Variants in METTL15 observed in about 807,000 individuals in gnomAD.
METTL15 encodes methyltransferase 15, mitochondrial 12S rRNA N4-cytidine, also known as 12S rRNA N(4)-cytidine methyltransferase METTL15.
In METTL15, 34 loss-of-function variants were observed where a neutral mutation model predicts 38.3. The ratio of observed to expected loss-of-function variants is 0.89; its 90% CI spans 0.68 to 1.18. METTL15 has a LOEUF of 1.18. Ranked by LOEUF, METTL15 falls within the 50% of genes most tolerant of loss-of-function variation. METTL15 has a pLI of 0.00. For missense variants in METTL15, 438 were observed against 498.4 expected (o/e 0.88, Z 1.15); for synonymous variants, 162 against 170.9 (o/e 0.95, Z 0.41).
At chr11:28,182,223 A>ATAG (rs1851317857) in intron 3 of METTL15, among the ~76,000 whole-genome samples, 1 of 151,012 alleles carries the variant, frequency 6.6e-6, no homozygotes, top group Non-Finnish European at 1.5e-5. Flanking sequence ...GTTCACTCTG[A>ATAG]TAGTTTCTTT....
At chr11:28,408,675 C>A (rs1333650752) in intron 5 of METTL15, among the ~76,000 whole-genome samples, 3 of 151,980 alleles carry the variant, frequency 2.0e-5, no homozygotes, top group African/African-American at 7.2e-5. Flanking sequence ...TGTGAAAAAG[C>A]CCATGTAATA....
At chr11:28,246,093 A>C (rs1854497985) in intron 4 of METTL15, among the ~76,000 whole-genome samples, 1 of 152,158 alleles carries the variant, frequency 6.6e-6, no homozygotes, top group South Asian at 2.1e-4. Flanking sequence ...ACAAATATAC[A>C]ACTATATAGA....
intron 6 of METTL15, among the ~76,000 whole-genome samples, chr11:28,482,413 G>T (rs1447239467): frequency 1.3e-5 from 2 of 152,200 alleles, no homozygotes; most frequent in Non-Finnish European, 2.9e-5. Context: ...TTATATAGGG[G>T]TTATATCTTC....
intron 4 of METTL15, among the ~76,000 whole-genome samples, chr11:28,215,106 AC>A (rs1852806560): frequency 6.6e-6 from 1 of 152,190 alleles, no homozygotes; most frequent in Non-Finnish European, 1.5e-5. Context: ...CTATGATTGG[AC>A]AAAAAGGATA....
At position 28,113,319 on chromosome 11, in the gene METTL15, T is replaced by C. The variant is rs1851796268; in HGVS notation, c.-16T>C. 9.2e-6 allele frequency: 14 copies of C among 1,521,618 alleles called. No individual in the cohort carries two copies. Among genetic ancestry groups the C allele is most frequent in the Non-Finnish European group, 1.2e-5 (14 of 1,127,052 alleles). 94.3% of individuals were successfully genotyped at this position (1,521,618 alleles called of 1,614,324 possible). On this transcript the variant is annotated splice_region_variant and 5_prime_UTR_variant, in exon 3 of 7. Transcript: ENST00000407364. ...TCATATTTTAATTTTTTTTTCTAGA[T>C]TTGTTTACCTACAAAATGCTTCGGT...
At chr11:28,517,967 C>A (rs1353020218) in intron 6 of METTL15, among the ~76,000 whole-genome samples, 2 of 152,176 alleles carry the variant, frequency 1.3e-5, no homozygotes, top group African/African-American at 2.4e-5. Flanking sequence ...ACATGGAAAA[C>A]TTGCAAACAG....
At chr11:28,339,765 A>G (rs1252461800) in intron 3 of METTL15, among the ~76,000 whole-genome samples, 1 of 152,138 alleles carries the variant, frequency 6.6e-6, no homozygotes, top group Non-Finnish European at 1.5e-5. Context: ...GCTGCAAATC[A>G]AAGTTGAAGA....
intron 3 of METTL15, among the ~76,000 whole-genome samples, chr11:28,128,338 A>T (rs564525789): frequency 1.3e-5 from 2 of 152,128 alleles, no homozygotes; most frequent in African/African-American, 2.4e-5. Context: ...AGAATGTTTA[A>T]AATAATCATA....
At chr11:28,278,172 G>A (rs76244063) in intron 4 of METTL15, among the ~76,000 whole-genome samples, 1 of 152,052 alleles carries the variant, frequency 6.6e-6, no homozygotes, top group Non-Finnish European at 1.5e-5. Context: ...GCATTGTATA[G>A]GCCTTATATG....
At chr11:28,387,662 G>A (rs1040328343) in intron 5 of METTL15, among the ~76,000 whole-genome samples, 6 of 152,006 alleles carry the variant, frequency 3.9e-5, no homozygotes, top group Non-Finnish European at 8.8e-5. Context: ...TCAAAAAACT[G>A]AAGAGGAAGG....
At chr11:28,207,517 T>C (rs1852403631) in intron 3 of METTL15, among the ~76,000 whole-genome samples, 1 of 152,180 alleles carries the variant, frequency 6.6e-6, no homozygotes, top group African/African-American at 2.4e-5. Flanking sequence ...TTGCCAGTAT[T>C]TTATTGAGGA....
At chr11:28,514,547 ATTG>A (rs1295138059) in intron 6 of METTL15, among the ~76,000 whole-genome samples, 1 of 152,216 alleles carries the variant, frequency 6.6e-6, no homozygotes, top group African/African-American at 2.4e-5. Flanking sequence ...TGAGTTTTGA[ATTG>A]CTATTACTTG....
At chr11:28,294,249 G>A (rs1246993945) in intron 5 of METTL15, among the ~76,000 whole-genome samples, 1 of 152,062 alleles carries the variant, frequency 6.6e-6, no homozygotes. Flanking sequence ...TGAAAAGGGG[G>A]AATTGATTCA....
chr11:28,116,306 A>AT (rs1199044130), intron 3 of METTL15, among the ~76,000 whole-genome samples: 1 of 152,222 alleles, frequency 6.6e-6, no homozygotes, highest in East Asian at 1.9e-4. Context: ...AGAAAAAAGT[A>AT]TTGTAGATTG....
At chr11:28,145,544 C>T (rs1208528724) in intron 3 of METTL15, 1 of 152,000 alleles carries the variant, frequency 6.6e-6, no homozygotes, top group Admixed American at 6.6e-5. Flanking sequence ...CTGTGGAACA[C>T]CTCGTCTTGT....
intron 3 of METTL15, among the ~76,000 whole-genome samples, chr11:28,120,971 C>T (rs974129018): frequency 6.6e-6 from 1 of 152,058 alleles, no homozygotes; most frequent in African/African-American, 2.4e-5. Context: ...GTGACAGTCA[C>T]GTCAGGGTAA....
chr11:28,324,438 A>G (rs1305345398), intron 6 of METTL15, among the ~76,000 whole-genome samples: 3 of 152,176 alleles, frequency 2.0e-5, no homozygotes. Context: ...GGATTTTCTG[A>G]GGTTAAAATT....
intron 3 of METTL15, among the ~76,000 whole-genome samples, chr11:28,164,784 A>G (rs543429525): frequency 4.5e-4 from 68 of 152,172 alleles, no homozygotes; most frequent in African/African-American, 1.5e-3. Context: ...CCTGCTTTGC[A>G]GTAGTTCTCA....
At chr11:28,220,031 T>C (rs569204156) in intron 4 of METTL15, among the ~76,000 whole-genome samples, 1 of 152,352 alleles carries the variant, frequency 6.6e-6, no homozygotes, top group African/African-American at 2.4e-5. Context: ...GAAGAATGTA[T>C]ATTCTGTTGA....
Sources: gnomAD v4.1 joint callset for allele counts (sites outside exome capture counted in the v4.1 genomes callset) on GRCh38, gnomAD v4.1.1 for gene constraint, MANE v1.5 for transcripts, NCBI Gene and HGNC (gene_info 2026-07-23, HGNC 2026-07-21) for gene names.